The following TMEM132B variants were observed in gnomAD, a reference collection of about 807,000 sequenced individuals.
The protein encoded by TMEM132B is transmembrane protein 132B.
TMEM132B carries 18 observed loss-of-function variants against 90.8 expected under a neutral mutation model. That is an observed-to-expected ratio of 0.20 (90% CI 0.14 to 0.29). The LOEUF is 0.29. Among genes scored for constraint, TMEM132B ranks in the 10% least tolerant of loss-of-function variants. TMEM132B has a pLI of 1.00. For synonymous variants in TMEM132B, 504 were observed against 523.3 expected, an observed-to-expected ratio of 0.96 and a Z score of 0.50; for missense variants, 1,096 against 1,326.8, an observed-to-expected ratio of 0.83 and a Z score of 2.70.
intron 2 of TMEM132B, among the ~76,000 whole-genome samples, chr12:125,377,500 C>A (rs1419549304): frequency 6.6e-6 from 1 of 152,090 alleles, no homozygotes; most frequent in South Asian, 2.1e-4. Flanking sequence ...TGCCTCAGTA[C>A]CCCCTGCTAT....
chr12:125,244,227 C>T (rs1013966628), intron 1 of TMEM132B, among the ~76,000 whole-genome samples: 1 of 152,176 alleles, frequency 6.6e-6, no homozygotes, highest in Non-Finnish European at 1.5e-5. Flanking sequence ...TGAGTGTGTA[C>T]ATTTTTCCCG....
At chr12:125,190,659 T>C (rs1469873979) in intron 1 of TMEM132B, among the ~76,000 whole-genome samples, 6 of 10,190 alleles carry the variant, frequency 5.9e-4, no homozygotes, top group Non-Finnish European at 7.1e-4. Flanking sequence ...GCGATGGTGA[T>C]GGGGAAGGGG....
chr12:125,582,500 A>G (rs1337900433), intron 4 of TMEM132B, among the ~76,000 whole-genome samples: 1 of 152,114 alleles, frequency 6.6e-6, no homozygotes, highest in Non-Finnish European at 1.5e-5. Context: ...TAGTTGGATC[A>G]TTCTAGTGAG....
At chr12:125,412,849 A>G (rs1593132537) in intron 2 of TMEM132B, among the ~76,000 whole-genome samples, 1 of 152,218 alleles carries the variant, frequency 6.6e-6, no homozygotes, top group Non-Finnish European at 1.5e-5. Context: ...GCATAAATTA[A>G]TTCCTGGAAC....
At chr12:125,631,015 G>A (rs2189791) in intron 5 of TMEM132B, among the ~76,000 whole-genome samples, 81,135 of 151,794 alleles carry the variant, frequency 0.53, 23,809 homozygotes, top group African/African-American at 0.78. Flanking sequence ...CTTTATTTCT[G>A]TTCTCTACTA....
intron 1 of TMEM132B, among the ~76,000 whole-genome samples, chr12:125,242,816 G>A (rs1049061546): frequency 6.6e-6 from 1 of 152,138 alleles, no homozygotes; most frequent in Non-Finnish European, 1.5e-5. Context: ...GCTCCATCCT[G>A]TTAGTCCACT....
chr12:125,484,838 C>T (rs1418588541), intron 3 of TMEM132B, among the ~76,000 whole-genome samples: 1 of 152,122 alleles, frequency 6.6e-6, no homozygotes, highest in Non-Finnish European at 1.5e-5. Flanking sequence ...CTCTTTTGCT[C>T]AGGCAATCCT....
At chr12:125,326,774 C>A in intron 1 of TMEM132B, 1 of 1,273,676 alleles carries the variant, frequency 7.9e-7, no homozygotes, top group Non-Finnish European at 1.1e-6. Flanking sequence ...CCCTTTGCAG[C>A]AAACTTCTTG....
intron 4 of TMEM132B, among the ~76,000 whole-genome samples, chr12:125,573,489 C>T (rs1272472879): frequency 6.6e-6 from 1 of 152,220 alleles, no homozygotes; most frequent in Admixed American, 6.5e-5. Context: ...ACAAACCTAA[C>T]TAGAATTCAA....
intron 1 of TMEM132B, among the ~76,000 whole-genome samples, chr12:125,322,868 A>G (rs1319041916): frequency 7.0e-6 from 1 of 142,754 alleles, no homozygotes; most frequent in Non-Finnish European, 1.5e-5. Context: ...AATCATAGAA[A>G]TGTACTTTTC....
At chr12:125,273,027 C>A (rs1260436248) in intron 1 of TMEM132B, among the ~76,000 whole-genome samples, 1 of 152,170 alleles carries the variant, frequency 6.6e-6, no homozygotes, top group African/African-American at 2.4e-5. Flanking sequence ...ATATGTAATT[C>A]TGTTTTTTAT....
intron 5 of TMEM132B, among the ~76,000 whole-genome samples, chr12:125,630,063 G>A (rs1383016232): frequency 6.6e-6 from 1 of 151,950 alleles, no homozygotes; most frequent in Non-Finnish European, 1.5e-5. Context: ...GAGGATTTTT[G>A]GATTAGTATG....
chr12:125,363,475 C>G (rs1286138844), intron 2 of TMEM132B, among the ~76,000 whole-genome samples: 1 of 152,068 alleles, frequency 6.6e-6, no homozygotes, highest in Non-Finnish European at 1.5e-5. Flanking sequence ...GGTCTGCCTC[C>G]CCGTTGGAAA....
chr12:125,357,528 A>G (rs1462257963), intron 2 of TMEM132B, among the ~76,000 whole-genome samples: 3 of 152,276 alleles, frequency 2.0e-5, no homozygotes, highest in East Asian at 3.8e-4. Context: ...ATGGAAACCA[A>G]TATTACTTGT....
chr12:125,233,796 AT>A (rs747287035), intron 1 of TMEM132B, among the ~76,000 whole-genome samples: 8 of 152,176 alleles, frequency 5.3e-5, no homozygotes, highest in Admixed American at 2.6e-4. Flanking sequence ...TGAATTGATA[AT>A]GCTTTATGCT....
rs1875025121 is a variant in TMEM132B at position 125,277,497 on chromosome 12, G to T, written c.68-71955G>T. ...CTGTCTCAAAAAAAAAAGATGAAGAGGGAGAACACACACACACACACACAC... is the reference window on the plus strand; with the variant it reads ...CTGTCTCAAAAAAAAAAGATGAAGATGGAGAACACACACACACACACACAC... On this transcript the variant is annotated intron_variant, in intron 1 of 8. Coordinates refer to ENST00000682704, the MANE Select transcript of TMEM132B (RefSeq NM_001366854.1). The surrounding 1 kb of genome is among the most constrained non-coding windows in gnomAD (Gnocchi z 4.3). Among the ~76,000 whole-genome samples the T allele has an allele frequency of 1.0e-5, 1 of 97,650 alleles. No homozygotes were observed. The highest frequency in any genetic ancestry group is 1.9e-5 in the Non-Finnish European group (1 of 51,352). 64.1% of individuals were successfully genotyped at this position (97,650 alleles called of 152,430 possible). A position where few individuals can be genotyped will look rare whatever the true frequency, so the allele number is the denominator to read the frequency against.
At chr12:125,373,569 C>T (rs1288453888) in intron 2 of TMEM132B, among the ~76,000 whole-genome samples, 2 of 152,038 alleles carry the variant, frequency 1.3e-5, no homozygotes, top group African/African-American at 2.4e-5. Flanking sequence ...GTTTAAGGCG[C>T]CCCCAGTCTA....
intron 5 of TMEM132B, among the ~76,000 whole-genome samples, chr12:125,606,876 T>C (rs1885709460): frequency 6.6e-6 from 1 of 152,158 alleles, no homozygotes; most frequent in African/African-American, 2.4e-5. Context: ...TGAGCAAATA[T>C]CCTCACAGCT....
rs1957760045 is a variant in TMEM132B, at chr12:125,186,394, G to C, written c.-406G>C. On this transcript the variant is annotated 5_prime_UTR_variant, in exon 1 of 9. Transcript: ENST00000682704. The surrounding 1 kb of genome is among the most constrained non-coding windows in gnomAD (Gnocchi z 6.3). ...CGCTCGCTCGCTCGCTCACTCTCTC[G>C]CTGGCTCGAGGGGCGGCCGGCAGAT... Among the ~76,000 whole-genome samples, 1 of 147,096 alleles carries C rather than the reference G, an allele frequency of 6.8e-6. No individual in the cohort carries two copies.
Sources: gnomAD v4.1 joint callset for allele counts (sites outside exome capture counted in the v4.1 genomes callset) on GRCh38, gnomAD v4.1.1 for gene constraint, Gnocchi (gnomAD v3.1) non-coding constraint, MANE v1.5 for transcripts, NCBI Gene and HGNC (gene_info 2026-07-23, HGNC 2026-07-21) for gene names.